ADGRL4: variants seen among roughly 807,000 people sequenced by gnomAD.
The protein encoded by ADGRL4 is EGF, latrophilin and seven transmembrane domain containing 1.
ADGRL4 carries 90 observed loss-of-function variants against 74.8 expected under a neutral mutation model. The ratio of observed to expected loss-of-function variants is 1.20; its 90% CI spans 1.02 to 1.43. The LOEUF (loss-of-function observed/expected upper bound fraction) is 1.43, where lower values mean the gene tolerates loss of function less well. Among genes scored for constraint, ADGRL4 ranks in the 40% most tolerant of loss-of-function variants. The probability of loss-of-function intolerance (pLI) is 0.00; values close to 1 mark genes in which losing one functional copy is unlikely to be tolerated. For synonymous variants in ADGRL4, 311 were observed against 279.2 expected (o/e 1.11, Z -1.14); for missense variants, 881 against 814.3 (o/e 1.08, Z -1.00).
chr1:78,906,085 G>A (rs1570216592), intron 12 of ADGRL4, among the ~76,000 whole-genome samples: 1 of 151,900 alleles, frequency 6.6e-6, no homozygotes, highest in South Asian at 2.1e-4. Flanking sequence ...GCATCTAAAA[G>A]AAACTAAAGA....
intron 2 of ADGRL4, among the ~76,000 whole-genome samples, chr1:78,986,162 T>C (rs544133839): frequency 6.6e-6 from 1 of 151,868 alleles, no homozygotes; most frequent in Non-Finnish European, 1.5e-5. Context: ...CATGAATCCT[T>C]GGACCTAAAC....
intron 2 of ADGRL4, among the ~76,000 whole-genome samples, chr1:78,981,684 C>A (rs564418816): frequency 1.1e-3 from 170 of 151,860 alleles, no homozygotes; most frequent in African/African-American, 3.9e-3. Flanking sequence ...TATGGTCTTA[C>A]AGAAATAAAT....
At chr1:78,977,573 AAAGTTAC>A (rs1650310309) in intron 2 of ADGRL4, among the ~76,000 whole-genome samples, 1 of 151,958 alleles carries the variant, frequency 6.6e-6, no homozygotes, top group Non-Finnish European at 1.5e-5. Flanking sequence ...GACTTAATAT[AAAGTTAC>A]ATTAGGTAAG....
chr1:78,957,449 A>G (rs1301552135), intron 2 of ADGRL4, among the ~76,000 whole-genome samples: 1 of 152,192 alleles, frequency 6.6e-6, no homozygotes, highest in East Asian at 1.9e-4. Flanking sequence ...TGAACATACA[A>G]ATGCTAAGAA....
chr1:78,941,952 C>G (rs1371945836), intron 3 of ADGRL4, among the ~76,000 whole-genome samples: 1 of 151,944 alleles, frequency 6.6e-6, no homozygotes, highest in Non-Finnish European at 1.5e-5. Context: ...GTAATCCCAG[C>G]ACTTTGGGAG....
intron 12 of ADGRL4, among the ~76,000 whole-genome samples, chr1:78,906,351 TG>T (rs1164574410): frequency 6.6e-6 from 1 of 152,042 alleles, no homozygotes; most frequent in African/African-American, 2.4e-5. Flanking sequence ...ATTTTAATAG[TG>T]GTTTTTTTTA....
At chr1:78,959,068 T>C (rs1649890257) in intron 2 of ADGRL4, among the ~76,000 whole-genome samples, 1 of 152,192 alleles carries the variant, frequency 6.6e-6, no homozygotes, top group African/African-American at 2.4e-5. Flanking sequence ...TCTTTAGACA[T>C]AATGCTACTA....
chr1:78,897,459 C>T (rs1351980362), intron 12 of ADGRL4, among the ~76,000 whole-genome samples: 1 of 152,070 alleles, frequency 6.6e-6, no homozygotes, highest in African/African-American at 2.4e-5. Context: ...ATTCCTCTTA[C>T]CCATGTTGTC....
chr1:78,897,772 T>C (rs1255429919), intron 12 of ADGRL4, among the ~76,000 whole-genome samples: 1 of 152,134 alleles, frequency 6.6e-6, no homozygotes, highest in East Asian at 1.9e-4. Context: ...TTCAGCAAAG[T>C]TGGGGTAAAT....
chr1:79,004,567 T>C (rs1036335151), intron 2 of ADGRL4, among the ~76,000 whole-genome samples: 3 of 152,100 alleles, frequency 2.0e-5, no homozygotes, highest in Non-Finnish European at 2.9e-5. Context: ...TTTTCAAAAT[T>C]CTCTCTTTCT....
chr1:78,984,739 A>C (rs1290839966), intron 2 of ADGRL4, among the ~76,000 whole-genome samples: 2 of 151,800 alleles, frequency 1.3e-5, no homozygotes, highest in Non-Finnish European at 2.9e-5. Context: ...TAATAATTGC[A>C]TTTAAAAAAA....
chr1:78,949,886 A>G (rs1489392), intron 2 of ADGRL4, among the ~76,000 whole-genome samples: 48,669 of 151,998 alleles, frequency 0.32, 8,191 homozygotes, highest in South Asian at 0.43. Context: ...TGTTTTAATA[A>G]GGAAAAATAT....
At chr1:78,897,515 T>TA (rs1648422950) in intron 12 of ADGRL4, among the ~76,000 whole-genome samples, 3 of 152,124 alleles carry the variant, frequency 2.0e-5, no homozygotes, top group Admixed American at 6.6e-5. Flanking sequence ...ACCTTGGCTA[T>TA]AAATCCCCTG....
intron 2 of ADGRL4, among the ~76,000 whole-genome samples, chr1:78,976,778 C>A (rs1371761207): frequency 1.3e-5 from 2 of 148,598 alleles, no homozygotes; most frequent in Non-Finnish European, 3.0e-5. Context: ...ATTGAACTTA[C>A]AATTTAAAGC....
At chr1:78,927,927 T>G (rs1388118077) in intron 7 of ADGRL4, among the ~76,000 whole-genome samples, 1 of 147,184 alleles carries the variant, frequency 6.8e-6, no homozygotes, top group Non-Finnish European at 1.5e-5. Context: ...ACATAAAAGA[T>G]TTTCCTCAAG....
At chr1:78,940,628 A>T (rs891568063) in intron 3 of ADGRL4, among the ~76,000 whole-genome samples, 1 of 152,118 alleles carries the variant, frequency 6.6e-6, no homozygotes, top group Non-Finnish European at 1.5e-5. Flanking sequence ...TTTCTACCCC[A>T]GGTTTGACGT....
chr1:78,940,906 T>A (rs912973486), intron 3 of ADGRL4, among the ~76,000 whole-genome samples: 2 of 152,178 alleles, frequency 1.3e-5, no homozygotes, highest in African/African-American at 4.8e-5. Flanking sequence ...TCTTGCTACA[T>A]TCTTAAAGAA....
Position 78,937,840 on chromosome 1 carries a change from T to A in ADGRL4, c.727A>T (p.Thr243Ser), listed in dbSNP as rs1296011703. 3.1e-6 allele frequency: 5 copies of A among 1,612,298 alleles called. No homozygotes were observed. Among genetic ancestry groups the A allele is most frequent in the Non-Finnish European group, 3.4e-6 (4 of 1,179,572 alleles). ...GTTGAATTTGTATCAAACTCTGTGGTCTTTTGGAAGCTCTGGGATATCCTT... is the reference window on the plus strand; with the variant it reads ...GTTGAATTTGTATCAAACTCTGTGGACTTTTGGAAGCTCTGGGATATCCTT... ...TLRISQSFQK[T>S]TEFDTNSTDI... Residue 243 changes from threonine to serine, a missense_variant, in exon 6 of 15, where the codon ACC (threonine) becomes TCC (serine). Transcript: ENST00000370742.
chr1:78,988,527 G>T (rs1274464234), intron 2 of ADGRL4, among the ~76,000 whole-genome samples: 1 of 151,876 alleles, frequency 6.6e-6, no homozygotes, highest in East Asian at 1.9e-4. Flanking sequence ...TGAACTGAAT[G>T]AAGGTGTCTT....
Sources: gnomAD v4.1 joint callset for allele counts (sites outside exome capture counted in the v4.1 genomes callset) on GRCh38, gnomAD v4.1.1 for gene constraint, MANE v1.5 for transcripts, NCBI Gene and HGNC (gene_info 2026-07-23, HGNC 2026-07-21) for gene names.